PPP1R3A: variants seen among roughly 807,000 people sequenced by gnomAD.
PPP1R3A encodes protein phosphatase 1 regulatory subunit 3A.
Under a neutral mutation model 41.7 loss-of-function variants are expected in PPP1R3A, and 29 were observed. The observed-to-expected ratio is 0.70, with a 90% CI of 0.52 to 0.95. The LOEUF is 0.95. Ranked by LOEUF, PPP1R3A falls within the 40% of genes least tolerant of loss-of-function variation. The pLI is 0.00. For synonymous variants in PPP1R3A, 485 were observed against 453.4 expected, an observed-to-expected ratio of 1.07 and a Z score of -0.89; for missense variants, 1,352 against 1,292.4, an observed-to-expected ratio of 1.05 and a Z score of -0.71.
intron 1 of PPP1R3A, among the ~76,000 whole-genome samples, chr7:113,907,544 T>C (rs1797166949): frequency 6.6e-6 from 1 of 151,768 alleles, no homozygotes. Flanking sequence ...AACATACTTG[T>C]TCCCATCACC....
chr7:113,878,852 C>T lies in PPP1R3A; in HGVS notation c.2240G>A (p.Arg747Lys). 1 of 1,613,168 alleles carries T rather than the reference C, an allele frequency of 6.2e-7. No homozygotes were observed. The highest frequency in any genetic ancestry group is 8.5e-7 in the Non-Finnish European group (1 of 1,179,754). ...SESTPESMSA[R>K]EKAIIAKLPQ... ...TAGCTTAGCAATTATTGCTTTTTCT[C>T]TAGCAGACATGCTTTCTGGAGTACT... Residue 747 changes from arginine to lysine, a missense_variant, in exon 4 of 4, where the codon AGA (arginine) becomes AAA (lysine). Arg to Lys is a conservative substitution (Grantham distance 26, BLOSUM62 2). Coordinates refer to ENST00000284601, the MANE Select transcript of PPP1R3A (RefSeq NM_002711.4).
At chr7:113,904,276 G>A (rs565950804) in intron 1 of PPP1R3A, among the ~76,000 whole-genome samples, 154 of 151,694 alleles carry the variant, frequency 1.0e-3, no homozygotes, top group South Asian at 9.4e-3. Flanking sequence ...ACCCAGCTTC[G>A]CCTGCTATAC....
intron 1 of PPP1R3A, among the ~76,000 whole-genome samples, chr7:113,885,231 A>G (rs1473243897): frequency 6.6e-6 from 1 of 152,048 alleles, no homozygotes; most frequent in East Asian, 1.9e-4. Flanking sequence ...GTACTTTAGT[A>G]GAGACAAGGT....
At chr7:113,882,961 C>G (rs190236939) in intron 1 of PPP1R3A, among the ~76,000 whole-genome samples, 1 of 151,986 alleles carries the variant, frequency 6.6e-6, no homozygotes, top group African/African-American at 2.4e-5. Flanking sequence ...GACTTTGGAT[C>G]ATTTATATGC....
intron 1 of PPP1R3A, among the ~76,000 whole-genome samples, chr7:113,917,724 T>C (rs1012734669): frequency 5.3e-5 from 8 of 152,070 alleles, no homozygotes; most frequent in Admixed American, 3.9e-4. Flanking sequence ...AACATCCCTG[T>C]ATAACTCAAA....
chr7:113,880,800 A>G (rs912813113), intron 3 of PPP1R3A, among the ~76,000 whole-genome samples: 2 of 151,808 alleles, frequency 1.3e-5, no homozygotes, highest in Non-Finnish European at 2.9e-5. Flanking sequence ...CTTCTCACAT[A>G]AGGCTCATGT....
chr7:113,881,285 T>C (rs968346391), intron 3 of PPP1R3A, among the ~76,000 whole-genome samples: 1 of 152,024 alleles, frequency 6.6e-6, no homozygotes, highest in Non-Finnish European at 1.5e-5. Flanking sequence ...AAGAGACAAA[T>C]GTCATTTTAA....
intron 1 of PPP1R3A, among the ~76,000 whole-genome samples, chr7:113,893,763 C>T (rs150319996): frequency 0.014 from 2,153 of 152,074 alleles, 28 homozygotes; most frequent in Middle Eastern, 0.024. Context: ...TAAAAATCTT[C>T]TCTATTTCAA....
chr7:113,884,805 C>G (rs913665003), intron 1 of PPP1R3A, among the ~76,000 whole-genome samples: 1 of 151,904 alleles, frequency 6.6e-6, no homozygotes, highest in Admixed American at 6.6e-5. Flanking sequence ...AAATAAGCAT[C>G]AAGAATACAT....
intron 1 of PPP1R3A, among the ~76,000 whole-genome samples, chr7:113,883,283 CA>C (rs1482104984): frequency 6.6e-6 from 1 of 151,846 alleles, no homozygotes; most frequent in African/African-American, 2.4e-5. Context: ...TTTTCTGCAA[CA>C]AAAGAAATCT....
intron 1 of PPP1R3A, among the ~76,000 whole-genome samples, chr7:113,901,393 C>G (rs1020162580): frequency 1.8e-4 from 27 of 151,784 alleles, no homozygotes; most frequent in African/African-American, 6.0e-4. Context: ...TAGAAAAAAG[C>G]AGGTTGTAGT....
intron 1 of PPP1R3A, among the ~76,000 whole-genome samples, chr7:113,910,684 CTA>C (rs1286435340): frequency 8.6e-5 from 13 of 151,968 alleles, no homozygotes; most frequent in Admixed American, 1.3e-4. Context: ...CTTAGCAACT[CTA>C]TGTGATTTGT....
Position 113,895,200 on chromosome 7 carries a change from C to T in PPP1R3A, c.783-12880G>A, listed in dbSNP as rs142144559. ...CTTCTATCTCATTCCTGGCTCTTGA[C>T]AAAGAATTTCAAATGTGTGTCAATA... On this transcript the variant is annotated intron_variant, in intron 1 of 3. Coordinates refer to ENST00000284601, the MANE Select transcript of PPP1R3A (RefSeq NM_002711.4). 6.1e-3 allele frequency among the ~76,000 whole-genome samples: 927 copies of T among 151,976 alleles called. 6 individuals carry two copies. Among genetic ancestry groups the T allele is most frequent in the South Asian group, 0.035 (168 of 4,820 alleles).
At chr7:113,887,466 T>C (rs921042337) in intron 1 of PPP1R3A, among the ~76,000 whole-genome samples, 1 of 152,030 alleles carries the variant, frequency 6.6e-6, no homozygotes, top group East Asian at 1.9e-4. Context: ...GAAGCTATAA[T>C]GTGAAGATGG....
At chr7:113,911,614 G>A (rs1262149863) in intron 1 of PPP1R3A, among the ~76,000 whole-genome samples, 1 of 152,006 alleles carries the variant, frequency 6.6e-6, no homozygotes, top group Non-Finnish European at 1.5e-5. Context: ...TTATGAACAG[G>A]TGATGTTCCA....
Position 113,918,973 on chromosome 7 carries a change from A to T in PPP1R3A, c.24T>A (p.Ser8Arg). ...CTAAAAAATTATCTTTGCTAATCTGACTAGGTACTTCAGAAGGCTCCATTG... is the reference window on the plus strand; with the variant it reads ...CTAAAAAATTATCTTTGCTAATCTGTCTAGGTACTTCAGAAGGCTCCATTG... MEPSEVP[S>R]QISKDNFLEV... Residue 8 changes from serine to arginine, a missense_variant, in exon 1 of 4, where the codon AGT becomes AGA. Coordinates refer to ENST00000284601, the MANE Select transcript of PPP1R3A (RefSeq NM_002711.4). The T allele has an allele frequency of 1.2e-6, 2 of 1,612,862 alleles. No individual in the cohort carries two copies. Among genetic ancestry groups the T allele is most frequent in the Non-Finnish European group, 8.5e-7 (1 of 1,179,034 alleles).
chr7:113,902,802 A>C (rs927198452), intron 1 of PPP1R3A, among the ~76,000 whole-genome samples: 1 of 151,830 alleles, frequency 6.6e-6, no homozygotes, highest in African/African-American at 2.4e-5. Flanking sequence ...CTTATAATTT[A>C]TTATTAGTTT....
At chr7:113,901,703 G>C (rs1431731491) in intron 1 of PPP1R3A, among the ~76,000 whole-genome samples, 1 of 151,736 alleles carries the variant, frequency 6.6e-6, no homozygotes, top group Non-Finnish European at 1.5e-5. Context: ...AGTGGTAAGG[G>C]GTCGTGTGGC....
intron 1 of PPP1R3A, among the ~76,000 whole-genome samples, chr7:113,885,927 A>G (rs894778653): frequency 1.3e-5 from 2 of 149,018 alleles, no homozygotes; most frequent in Non-Finnish European, 3.0e-5. Flanking sequence ...ATAACTGTAT[A>G]ATTTATATAT....
Sources: gnomAD v4.1 joint callset for allele counts (sites outside exome capture counted in the v4.1 genomes callset) on GRCh38, gnomAD v4.1.1 for gene constraint, MANE v1.5 for transcripts, NCBI Gene and HGNC (gene_info 2026-07-23, HGNC 2026-07-21) for gene names.